The following BBS9 variants were observed in gnomAD, a reference collection of about 807,000 sequenced individuals.
BBS9 encodes Bardet-Biedl syndrome 9.
A neutral mutation model predicts 117.7 loss-of-function variants in BBS9; 89 were observed. The ratio of observed to expected loss-of-function variants is 0.76; its 90% CI spans 0.64 to 0.90. The LOEUF (loss-of-function observed/expected upper bound fraction) is 0.90, where lower values mean the gene tolerates loss of function less well. Among genes scored for constraint, BBS9 ranks in the 40% least tolerant of loss-of-function variants. The pLI, the probability that BBS9 is intolerant of heterozygous loss-of-function variation, is 0.00. For synonymous variants in BBS9, 379 were observed against 370.9 expected (o/e 1.02, Z -0.25); for missense variants, 982 against 1,042.2 (o/e 0.94, Z 0.80).
chr7:33,627,227 T>A (rs2598374), intron 21 of BBS9, among the ~76,000 whole-genome samples: 151,726 of 152,364 alleles, frequency 1, 75,550 homozygotes, highest in Middle Eastern at 1. Flanking sequence ...CTGCTGCTCC[T>A]GAGGGTGCAA....
chr7:33,371,110 A>G (rs1240637662), intron 17 of BBS9, among the ~76,000 whole-genome samples: 1 of 152,162 alleles, frequency 6.6e-6, no homozygotes, highest in Non-Finnish European at 1.5e-5. Context: ...CCTTTTGTTG[A>G]GGAGATGCAC....
intron 5 of BBS9, among the ~76,000 whole-genome samples, chr7:33,210,178 A>G (rs887513724): frequency 7.2e-6 from 1 of 138,832 alleles, no homozygotes; most frequent in African/African-American, 2.5e-5. Context: ...ATATTGTTTA[A>G]TTTCCATGTA....
intron 19 of BBS9, among the ~76,000 whole-genome samples, chr7:33,405,473 G>A (rs369016731): frequency 1.6e-4 from 24 of 146,556 alleles, no homozygotes; most frequent in South Asian, 6.6e-4. Context: ...CCATCTGGTC[G>A]TGGACTCTTT....
At chr7:33,608,437 A>G (rs1037084049), downstream of BBS9, among the ~76,000 whole-genome samples, 4 of 151,996 alleles carry the variant, frequency 2.6e-5, no homozygotes, top group East Asian at 1.9e-4. Flanking sequence ...TGGTAGTTCT[A>G]AGTTCTTTGA....
chr7:33,290,763 A>T (rs1279022275), intron 9 of BBS9, among the ~76,000 whole-genome samples: 1 of 152,210 alleles, frequency 6.6e-6, no homozygotes, highest in African/African-American at 2.4e-5. Flanking sequence ...TATGACTTAG[A>T]ATTAAACATA....
intron 20 of BBS9, among the ~76,000 whole-genome samples, chr7:33,526,201 T>A (rs1441099444): frequency 5.9e-5 from 9 of 152,074 alleles, no homozygotes; most frequent in Non-Finnish European, 1.2e-4. Context: ...ACATTTCAAC[T>A]TTGGTGAATC....
chr7:33,335,412 T>TA (rs566341890), intron 9 of BBS9, among the ~76,000 whole-genome samples: 4 of 151,410 alleles, frequency 2.6e-5, no homozygotes, highest in Admixed American at 2.0e-4. Flanking sequence ...GAAAATACTT[T>TA]AAAAAAAAAT....
chr7:33,243,188 C>G (rs1050609260), intron 5 of BBS9, among the ~76,000 whole-genome samples: 1 of 152,156 alleles, frequency 6.6e-6, no homozygotes, highest in African/African-American at 2.4e-5. Flanking sequence ...TTCCTCAAAC[C>G]CTCTTAAAAC....
intron 21 of BBS9, among the ~76,000 whole-genome samples, chr7:33,537,313 A>C (rs1014716912): frequency 1.3e-5 from 2 of 152,186 alleles, no homozygotes; most frequent in African/African-American, 4.8e-5. Context: ...TGGTGACAAC[A>C]TCCTCCCTGG....
chr7:33,133,534 C>T (rs951439234), intron 1 of BBS9, among the ~76,000 whole-genome samples: 1 of 152,134 alleles, frequency 6.6e-6, no homozygotes, highest in Non-Finnish European at 1.5e-5. Context: ...TTGTTACTGG[C>T]TTCTTTAACT....
At chr7:33,219,333 C>T (rs1365109743) in intron 5 of BBS9, among the ~76,000 whole-genome samples, 1 of 152,222 alleles carries the variant, frequency 6.6e-6, no homozygotes, top group Non-Finnish European at 1.5e-5. Flanking sequence ...CCGGTCCCAT[C>T]GACCACCCAA....
intron 15 of BBS9, among the ~76,000 whole-genome samples, chr7:33,356,806 G>C (rs1462906251): frequency 6.6e-6 from 1 of 151,732 alleles, no homozygotes; most frequent in Non-Finnish European, 1.5e-5. Context: ...AACTGCTTCT[G>C]CTTTTGCTAT....
At chr7:33,196,587 A>T (rs10486519) in intron 5 of BBS9, among the ~76,000 whole-genome samples, 42,726 of 152,084 alleles carry the variant, frequency 0.28, 6,177 homozygotes, top group Non-Finnish European at 0.32. Flanking sequence ...TTATTTTCTC[A>T]TACATGTGGT....
chr7:33,367,017 C>T (rs73101672), intron 16 of BBS9, among the ~76,000 whole-genome samples: 28,177 of 152,066 alleles, frequency 0.19, 2,853 homozygotes, highest in Non-Finnish European at 0.22. Context: ...TGGTAACAGC[C>T]ATTGATATCC....
chr7:33,449,171 T>A (rs1244117478), intron 19 of BBS9, among the ~76,000 whole-genome samples: 1 of 152,192 alleles, frequency 6.6e-6, no homozygotes, highest in Non-Finnish European at 1.5e-5. Context: ...GTAGTTGTGC[T>A]GTGGAATTCG....
chr7:33,573,405 C>G (rs1381401669), intron 21 of BBS9, among the ~76,000 whole-genome samples: 2 of 152,184 alleles, frequency 1.3e-5, no homozygotes, highest in East Asian at 3.9e-4. Flanking sequence ...AATGGTAGCT[C>G]ATGAAATATA....
chr7:33,480,703 T>C (rs1423697296), intron 19 of BBS9, among the ~76,000 whole-genome samples: 1 of 152,224 alleles, frequency 6.6e-6, no homozygotes, highest in Non-Finnish European at 1.5e-5. Context: ...ATCTTTAGCA[T>C]TGATTCATAG....
chr7:33,142,164 G>A (rs999599269), intron 1 of BBS9, among the ~76,000 whole-genome samples: 3 of 151,982 alleles, frequency 2.0e-5, no homozygotes, highest in Non-Finnish European at 4.4e-5. Context: ...CTCGTGATCC[G>A]CCCGCCTCGG....
At chr7:33,371,652 G>A (rs1287410719) in intron 17 of BBS9, among the ~76,000 whole-genome samples, 4 of 151,990 alleles carry the variant, frequency 2.6e-5, no homozygotes, top group Non-Finnish European at 4.4e-5. Context: ...GTAACAGGAG[G>A]GATCGTATGT....
Sources: gnomAD v4.1 joint callset for allele counts (sites outside exome capture counted in the v4.1 genomes callset) on GRCh38, gnomAD v4.1.1 for gene constraint, MANE v1.5 for transcripts, NCBI Gene and HGNC (gene_info 2026-07-23, HGNC 2026-07-21) for gene names.